Variants in FRMPD2 observed in about 807,000 individuals in gnomAD.
FRMPD2 encodes FERM and PDZ domain-containing protein 2.
Under a neutral mutation model 140.1 loss-of-function variants are expected in FRMPD2, and 96 were observed. The observed-to-expected ratio is 0.69, with a 90% CI of 0.58 to 0.81. FRMPD2 has a LOEUF of 0.81. Among genes scored for constraint, FRMPD2 ranks in the 40% least tolerant of loss-of-function variants. The pLI is 0.00. For synonymous variants in FRMPD2, 449 were observed against 547.6 expected, an observed-to-expected ratio of 0.82 and a Z score of 2.52; for missense variants, 1,240 against 1,447.4, an observed-to-expected ratio of 0.86 and a Z score of 2.32.
chr10:48,254,963 T>C (rs1189265566), intron 1 of FRMPD2, among the ~76,000 whole-genome samples: 1 of 152,230 alleles, frequency 6.6e-6, no homozygotes, highest in Non-Finnish European at 1.5e-5. Flanking sequence ...TTTTTCATGG[T>C]CTGGTGGGCT....
chr10:48,175,232 C>A, intron 23 of FRMPD2: 1 of 687,702 alleles, frequency 1.5e-6, no homozygotes, highest in Non-Finnish European at 2.3e-6. Context: ...TATCCTTCCT[C>A]CTGTTTTCCT....
intron 20 of FRMPD2, among the ~76,000 whole-genome samples, chr10:48,182,504 C>T (rs1009166487): frequency 6.6e-6 from 1 of 152,170 alleles, no homozygotes; most frequent in Non-Finnish European, 1.5e-5. Context: ...TTAACAGCAG[C>T]CTAAAGAGAT....
chr10:48,187,311 G>T lies in FRMPD2; in HGVS notation c.2166-19C>A. 1 of 1,611,138 alleles carries T rather than the reference G, an allele frequency of 6.2e-7. No individual in the cohort carries two copies. Among genetic ancestry groups the T allele is most frequent in the Non-Finnish European group, 8.5e-7 (1 of 1,177,710 alleles). The stretch of plus-strand genomic sequence containing the variant: ...GCAGGGGCTGCCGGGAAAAGAAAAT[G>T]AGGTTAGATAAGGTGGCCCACGGGG... On this transcript the variant is annotated intron_variant, in intron 16 of 28. Coordinates refer to ENST00000374201, the MANE Select transcript of FRMPD2 (RefSeq NM_001018071.4).
At chr10:48,178,020 T>A (rs1326931902) in intron 22 of FRMPD2, 27 bp downstream of exon 22, 1 of 1,309,262 alleles carries the variant, frequency 7.6e-7, no homozygotes, top group Non-Finnish European at 1.1e-6. Flanking sequence ...TGTTAACTGC[T>A]TTTCAAGCTC....
Position 48,192,897 on chromosome 10 carries a change from GAATTTGGGGAGAA to G in FRMPD2, c.1955-16_1955-4del. 1 of 1,610,142 alleles carries G rather than the reference GAATTTGGGGAGAA, an allele frequency of 6.2e-7. No homozygotes were observed. ...CATTTGCACAAACTTATCATGGTCT[GAATTTGGGGAGAA>G]AAACATAGACATACACACACACAAG... On this transcript the variant is annotated splice_polypyrimidine_tract_variant and splice_region_variant and intron_variant, in intron 15 of 28. Transcript: ENST00000374201.
At chr10:48,192,485 G>T (rs950015718) in intron 16 of FRMPD2, among the ~76,000 whole-genome samples, 199 bp downstream of exon 16, 2 of 152,064 alleles carry the variant, frequency 1.3e-5, no homozygotes, top group African/African-American at 4.8e-5. Flanking sequence ...TACTCAGGAG[G>T]CTGAGGCAGG....
At chr10:48,272,956 G>A (rs372098948) in intron 1 of FRMPD2, among the ~76,000 whole-genome samples, 1 of 152,262 alleles carries the variant, frequency 6.6e-6, no homozygotes, top group East Asian at 1.9e-4. Flanking sequence ...TTGCAAACAG[G>A]CTGACCAAGG....
chr10:48,189,940 G>A (rs765815345), intron 16 of FRMPD2, among the ~76,000 whole-genome samples: 12 of 152,124 alleles, frequency 7.9e-5, no homozygotes, highest in Non-Finnish European at 7.3e-5. Context: ...AGTGGGGAGG[G>A]ATGACTATTA....
intron 26 of FRMPD2, among the ~76,000 whole-genome samples, chr10:48,170,714 T>C (rs1283814609): frequency 6.6e-6 from 1 of 151,292 alleles, no homozygotes; most frequent in Non-Finnish European, 1.5e-5. Context: ...CCAGGATGTG[T>C]GTGAAGAGAC....
intron 12 of FRMPD2, among the ~76,000 whole-genome samples, chr10:48,215,557 A>G (rs1839426504): frequency 6.6e-6 from 1 of 152,250 alleles, no homozygotes; most frequent in Non-Finnish European, 1.5e-5. Context: ...CCATAAATTA[A>G]GACTAAGTGG....
chr10:48,269,816 C>T (rs143646228), intron 1 of FRMPD2, among the ~76,000 whole-genome samples: 2 of 152,338 alleles, frequency 1.3e-5, no homozygotes, highest in Non-Finnish European at 2.9e-5. Flanking sequence ...TGCTGTAGCA[C>T]AGATGGGAAA....
intron 1 of FRMPD2, among the ~76,000 whole-genome samples, chr10:48,258,988 A>T (rs935474039): frequency 2.6e-5 from 4 of 152,210 alleles, no homozygotes; most frequent in African/African-American, 9.6e-5. Flanking sequence ...TGTAAAGTCT[A>T]TTTCTGAGCA....
At chr10:48,185,521 G>A (rs777027566) in intron 18 of FRMPD2, 32 bp downstream of exon 18, 1 of 1,493,750 alleles carries the variant, frequency 6.7e-7, no homozygotes, top group Non-Finnish European at 9.3e-7. Flanking sequence ...CAGCAGTAGA[G>A]ACTGGGCCTC....
At chr10:48,233,601 C>T (rs1457761063) in intron 9 of FRMPD2, among the ~76,000 whole-genome samples, 1 of 152,116 alleles carries the variant, frequency 6.6e-6, no homozygotes, top group Non-Finnish European at 1.5e-5. Flanking sequence ...CTGAAGCTGC[C>T]CTCTGGACAC....
At chr10:48,265,437 G>C (rs1840662298) in intron 1 of FRMPD2, among the ~76,000 whole-genome samples, 2 of 152,272 alleles carry the variant, frequency 1.3e-5, no homozygotes, top group South Asian at 4.1e-4. Flanking sequence ...ACAACCTACA[G>C]AGTAGGGGAA....
At chr10:48,258,167 C>G (rs1840521020) in intron 1 of FRMPD2, among the ~76,000 whole-genome samples, 1 of 152,200 alleles carries the variant, frequency 6.6e-6, no homozygotes, top group Non-Finnish European at 1.5e-5. Flanking sequence ...ACCATCTGCC[C>G]ACAGTCAGAA....
intron 1 of FRMPD2, among the ~76,000 whole-genome samples, chr10:48,260,535 T>G (rs757077072): frequency 2.4e-4 from 36 of 152,194 alleles, no homozygotes; most frequent in Non-Finnish European, 3.8e-4. Context: ...AGAAATACCC[T>G]CACAGACACG....
intron 10 of FRMPD2, among the ~76,000 whole-genome samples, chr10:48,230,773 G>T (rs1224114896): frequency 1.3e-5 from 2 of 152,100 alleles, no homozygotes; most frequent in Non-Finnish European, 2.9e-5. Context: ...GCTTCCTTCA[G>T]TATCTGAAGA....
At chr10:48,231,299 G>A (rs1352373847) in intron 10 of FRMPD2, among the ~76,000 whole-genome samples, 1 of 152,178 alleles carries the variant, frequency 6.6e-6, no homozygotes, top group Non-Finnish European at 1.5e-5. Flanking sequence ...TGCCTATAAT[G>A]AAAAATACCA....
Sources: gnomAD v4.1 joint callset for allele counts (sites outside exome capture counted in the v4.1 genomes callset) on GRCh38, gnomAD v4.1.1 for gene constraint, MANE v1.5 for transcripts, NCBI Gene and HGNC (gene_info 2026-07-23, HGNC 2026-07-21) for gene names.